TSHR: variants seen among roughly 807,000 people sequenced by gnomAD.
TSHR encodes the protein thyroid stimulating hormone receptor.
In TSHR, 51 loss-of-function variants were observed where a neutral mutation model predicts 64.1. That is an observed-to-expected ratio of 0.80 (90% confidence interval 0.64 to 1.01). The LOEUF (loss-of-function observed/expected upper bound fraction) is 1.01. TSHR is among the 50% of genes least tolerant of loss of function. TSHR has a pLI of 0.00. For synonymous variants in TSHR, 361 were observed against 361.9 expected, an observed-to-expected ratio of 1.00 and a Z score of 0.03; for missense variants, 877 against 942.8, an observed-to-expected ratio of 0.93 and a Z score of 0.91.
chr14:81,136,461 T>C (rs1282614951), intron 8 of TSHR, among the ~76,000 whole-genome samples: 4 of 151,924 alleles, frequency 2.6e-5, no homozygotes, highest in African/African-American at 9.7e-5. Context: ...TGGATGAGAG[T>C]GTCAATTACC....
At chr14:81,080,608 A>T (rs916133689) in intron 3 of TSHR, among the ~76,000 whole-genome samples, 1 of 152,218 alleles carries the variant, frequency 6.6e-6, no homozygotes, top group Non-Finnish European at 1.5e-5. Context: ...TAAAAGATAC[A>T]TCAAATCATG....
chr14:81,088,962 T>G (rs1888501901), intron 4 of TSHR, among the ~76,000 whole-genome samples: 1 of 150,344 alleles, frequency 6.7e-6, no homozygotes, highest in African/African-American at 2.5e-5. Context: ...CCACGCAGCT[T>G]CTTTGGGGAA....
chr14:81,085,614 C>A (rs935477938), intron 3 of TSHR, among the ~76,000 whole-genome samples: 3 of 152,142 alleles, frequency 2.0e-5, no homozygotes, highest in Non-Finnish European at 4.4e-5. Context: ...CCCTTTTATT[C>A]TCTACCTTTT....
At chr14:81,111,703 T>G (rs1890231413) in intron 8 of TSHR, among the ~76,000 whole-genome samples, 1 of 152,212 alleles carries the variant, frequency 6.6e-6, no homozygotes, top group East Asian at 1.9e-4. Context: ...AATCTTGTCT[T>G]TCTGATGAGC....
At position 81,041,302 on chromosome 14, in the gene TSHR, AT is replaced by A. The variant is rs1884910382; in HGVS notation, c.171-20845del. 2.6e-5 allele frequency among the ~76,000 whole-genome samples: 4 copies of A among 152,326 alleles called. No individual in the cohort carries two copies. The South Asian group carries it at 8.3e-4, about 32-fold the overall frequency. ...CATCAATGATAGAATGGATAAAAAA[AT>A]GTGTTACATATACACCATGGAATAC... is the stretch of plus-strand genomic sequence containing the variant. On this transcript the variant is annotated intron_variant, in intron 1 of 9. Coordinates refer to ENST00000298171, the MANE Select transcript of TSHR (RefSeq NM_000369.5).
intron 8 of TSHR, among the ~76,000 whole-genome samples, chr14:81,111,235 T>C (rs1337110243): frequency 6.6e-6 from 1 of 152,162 alleles, no homozygotes; most frequent in Non-Finnish European, 1.5e-5. Flanking sequence ...GAGAAAATCT[T>C]GTCATGAAAA....
intron 8 of TSHR, among the ~76,000 whole-genome samples, chr14:81,126,471 G>A (rs1891025019): frequency 1.3e-5 from 2 of 152,142 alleles, no homozygotes; most frequent in African/African-American, 4.8e-5. Context: ...AGGCCAAAAA[G>A]TAAACTAGAT....
At chr14:81,111,902 T>C (rs530186960) in intron 8 of TSHR, among the ~76,000 whole-genome samples, 11 of 152,348 alleles carry the variant, frequency 7.2e-5, no homozygotes, top group Middle Eastern at 3.4e-3. Context: ...ATTTTAAAGA[T>C]ATTTTAGTCT....
At chr14:81,082,783 T>A (rs892400128) in intron 3 of TSHR, among the ~76,000 whole-genome samples, 3 of 152,182 alleles carry the variant, frequency 2.0e-5, no homozygotes, top group African/African-American at 7.2e-5. Context: ...GTCTTCTTGG[T>A]TTATGCTGGT....
intron 1 of TSHR, among the ~76,000 whole-genome samples, chr14:81,023,619 T>C (rs1191672534): frequency 6.6e-6 from 1 of 152,148 alleles, no homozygotes; most frequent in Non-Finnish European, 1.5e-5. Flanking sequence ...TGGCAGTCCC[T>C]TACTGGCAAG....
chr14:81,065,886 G>A (rs760797815), intron 2 of TSHR, among the ~76,000 whole-genome samples: 12 of 152,118 alleles, frequency 7.9e-5, no homozygotes, highest in Non-Finnish European at 1.5e-4. Flanking sequence ...ATTCCCACTT[G>A]GGATTCTGGC....
At chr14:81,136,480 G>A (rs1233774281) in intron 8 of TSHR, among the ~76,000 whole-genome samples, 3 of 152,166 alleles carry the variant, frequency 2.0e-5, no homozygotes, top group African/African-American at 7.2e-5. Flanking sequence ...CCATGTTGGG[G>A]GGAAATAGAG....
chr14:81,110,018 C>G (rs1890156701), intron 8 of TSHR, among the ~76,000 whole-genome samples: 1 of 152,054 alleles, frequency 6.6e-6, no homozygotes, highest in Non-Finnish European at 1.5e-5. Context: ...ATTGCTTTTT[C>G]AAAGAAATGT....
Position 81,142,922 on chromosome 14 carries a change from T to G in TSHR, c.882-18T>G. The G allele has an allele frequency of 6.2e-7, 1 of 1,613,534 alleles. No individual in the cohort carries two copies. Among genetic ancestry groups the G allele is most frequent in the Non-Finnish European group, 8.5e-7 (1 of 1,179,578 alleles). On this transcript the variant is annotated intron_variant, in intron 9 of 9. Transcript: ENST00000298171. ...ACTGCGCCCAGCCTGGCACTGACTC[T>G]TTTCTGTTGCCTTGCAGAATCCTTG...
At chr14:81,060,996 G>A (rs1371009300) in intron 1 of TSHR, among the ~76,000 whole-genome samples, 4 of 152,070 alleles carry the variant, frequency 2.6e-5, no homozygotes, top group Non-Finnish European at 5.9e-5. Flanking sequence ...CTTCTGAAGA[G>A]TCTTCAAAAA....
intron 1 of TSHR, among the ~76,000 whole-genome samples, chr14:81,016,291 G>A (rs554042749): frequency 7.2e-5 from 11 of 152,166 alleles, no homozygotes; most frequent in East Asian, 1.9e-4. Context: ...CATTTATCTC[G>A]TCTTTGTGTT....
intron 1 of TSHR, among the ~76,000 whole-genome samples, chr14:81,055,901 C>A (rs2139878042): frequency 6.6e-6 from 1 of 152,164 alleles, no homozygotes; most frequent in African/African-American, 2.4e-5. Context: ...TGAGTTAAGA[C>A]TTTGGGAGAC....
chr14:80,996,859 T>C (rs913339790), intron 1 of TSHR, among the ~76,000 whole-genome samples: 1 of 152,078 alleles, frequency 6.6e-6, no homozygotes, highest in African/African-American at 2.4e-5. Flanking sequence ...CCAGAGAAAA[T>C]ACAAGACTTA....
intron 2 of TSHR, among the ~76,000 whole-genome samples, chr14:81,067,072 A>G: frequency 6.6e-6 from 1 of 152,180 alleles, no homozygotes. Flanking sequence ...AAAGTTTAAG[A>G]CGGAGCTTGA....
Sources: allele counts gnomAD v4.1 joint callset (sites outside exome capture counted in the v4.1 genomes callset), GRCh38; gene constraint gnomAD v4.1.1; transcripts MANE v1.5; gene names NCBI Gene and HGNC (gene_info 2026-07-23, HGNC 2026-07-21).